The following ADAM12 variants were observed in gnomAD, a reference collection of about 807,000 sequenced individuals.
The protein encoded by ADAM12 is disintegrin and metalloproteinase domain-containing protein 12.
A neutral mutation model predicts 106.4 loss-of-function variants in ADAM12; 70 were observed. The observed-to-expected ratio is 0.66, with a 90% CI of 0.54 to 0.80. The LOEUF (loss-of-function observed/expected upper bound fraction) is 0.80. ADAM12 is among the 30% of genes least tolerant of loss of function. ADAM12 has a pLI of 0.00. For missense variants in ADAM12, 1,010 were observed against 1,171.9 expected (o/e 0.86, Z 2.02); for synonymous variants, 420 against 433.5 (o/e 0.97, Z 0.39).
intron 3 of ADAM12, among the ~76,000 whole-genome samples, chr10:126,232,945 C>T (rs530327583): frequency 1.3e-4 from 20 of 152,038 alleles, no homozygotes; most frequent in African/African-American, 3.1e-4. Flanking sequence ...GAAGGAAGGA[C>T]GGGGGCAGTA....
intron 6 of ADAM12, among the ~76,000 whole-genome samples, chr10:126,112,188 A>G (rs1955881733): frequency 6.6e-6 from 1 of 152,008 alleles, no homozygotes; most frequent in Admixed American, 6.6e-5. Context: ...ACACATGGAC[A>G]CAGGGAGGGG....
chr10:126,214,871 G>A (rs189443767), intron 3 of ADAM12, among the ~76,000 whole-genome samples: 17 of 152,318 alleles, frequency 1.1e-4, no homozygotes, highest in African/African-American at 4.1e-4. Flanking sequence ...CCCGCTGGCT[G>A]GATTAGGATG....
rs187880630 is a variant in ADAM12 at position 126,267,142 on chromosome 10, C to T, written c.260+11773G>A. Among the ~76,000 whole-genome samples, 47 of 152,292 alleles carry T rather than the reference C, an allele frequency of 3.1e-4. 1 individual carries two copies. The highest frequency in any genetic ancestry group is 8.3e-4 in the South Asian group (4 of 4,822). ...TCAATCATCTCCTCTGATAGGGATA[C>T]GGAAGCAGCTCTAGAAAGAGTCCAG... On this transcript the variant is annotated intron_variant, in intron 3 of 22. Coordinates refer to ENST00000448723, the MANE Select transcript of ADAM12 (RefSeq NM_001288973.2).
chr10:126,163,546 C>A (rs7077301), intron 3 of ADAM12, among the ~76,000 whole-genome samples: 45,796 of 152,008 alleles, frequency 0.3, 7,575 homozygotes, highest in Non-Finnish European at 0.38. Context: ...AAATTGCTTT[C>A]AGATCAATAT....
chr10:126,086,700 TATATATAAA>T (rs1201256640), intron 11 of ADAM12, among the ~76,000 whole-genome samples: 3 of 78,090 alleles, frequency 3.8e-5, no homozygotes, highest in African/African-American at 1.8e-4. Context: ...TATATATATA[TATATATAAA>T]ATAAAATAGG....
chr10:126,185,351 T>C (rs933751318), intron 3 of ADAM12, among the ~76,000 whole-genome samples: 3 of 152,270 alleles, frequency 2.0e-5, no homozygotes, highest in African/African-American at 7.2e-5. Context: ...CACAGGGCTA[T>C]GCCCTATAGC....
intron 3 of ADAM12, among the ~76,000 whole-genome samples, chr10:126,222,034 T>C (rs1477081405): frequency 2.0e-5 from 3 of 152,200 alleles, no homozygotes; most frequent in Non-Finnish European, 2.9e-5. Flanking sequence ...GGCTGTCTCC[T>C]GAGGTCCTCA....
At chr10:126,063,627 T>G (rs1954804733) in intron 14 of ADAM12, among the ~76,000 whole-genome samples, 1 of 152,164 alleles carries the variant, frequency 6.6e-6, no homozygotes, top group African/African-American at 2.4e-5. Context: ...TGGCCTGGGC[T>G]GAGGTCATTT....
chr10:126,117,045 T>A (rs1226215988), intron 6 of ADAM12, among the ~76,000 whole-genome samples: 1 of 152,158 alleles, frequency 6.6e-6, no homozygotes, highest in Non-Finnish European at 1.5e-5. Context: ...CGACATCCTA[T>A]CTATAAATTT....
At chr10:126,245,276 C>G (rs12250635) in intron 3 of ADAM12, among the ~76,000 whole-genome samples, 62,705 of 152,022 alleles carry the variant, frequency 0.41, 14,165 homozygotes, top group Non-Finnish European at 0.51. Context: ...TGGGACCTGA[C>G]GTGAACCTGC....
At chr10:126,260,339 C>T (rs915172146) in intron 3 of ADAM12, among the ~76,000 whole-genome samples, 1 of 152,104 alleles carries the variant, frequency 6.6e-6, no homozygotes, top group African/African-American at 2.4e-5. Flanking sequence ...CAAAAGTGGT[C>T]GATGTTTACA....
At position 126,064,673 on chromosome 10, in the gene ADAM12, T is replaced by C; in HGVS notation, c.1609+133A>G. 1 of 983,564 alleles carries C rather than the reference T, an allele frequency of 1.0e-6. No homozygotes were observed. Among genetic ancestry groups the C allele is most frequent in the South Asian group, 1.6e-5 (1 of 61,280 alleles). The allele number at this position is 983,564 out of a possible 1,614,324, so 60.9% of individuals were successfully genotyped here. A position where few individuals can be genotyped will look rare whatever the true frequency, so the allele number is the denominator to read the frequency against. ...TCCCTGGGAGTCAATCACTCCCGAC[T>C]GAACACACCGGATGCTGTGTGGACA... On this transcript the variant is annotated intron_variant, in intron 14 of 22. Coordinates refer to ENST00000448723, the MANE Select transcript of ADAM12 (RefSeq NM_001288973.2). This position sits in a 1 kb window ranked among gnomAD's most constrained non-coding sequence, Gnocchi z 4.4.
chr10:126,140,500 G>T (rs1956489917), intron 4 of ADAM12, among the ~76,000 whole-genome samples: 1 of 152,106 alleles, frequency 6.6e-6, no homozygotes, highest in Non-Finnish European at 1.5e-5. Flanking sequence ...ATAAACTGTT[G>T]CTTAAAGTAA....
rs375846137 is a variant in ADAM12 at position 126,155,273 on chromosome 10, T to C, written c.293A>G (p.His98Arg). Residue 98 changes from histidine to arginine, a missense_variant, in exon 4 of 23, where the codon CAC (histidine) becomes CGC (arginine). By Grantham distance (29) the His-to-Arg change is conservative. This residue lies in a region of ADAM12 where 391 missense variants were observed against 442.9 expected (regional missense o/e 0.88). Transcript: ENST00000448723. ...GACATCAGTACCGTCTTGCAGATAG[T>C]GGGTTTCCGTGAAACTGCTGGCAAT... ...GLIASSFTET[H>R]YLQDGTDVSL... The C allele has an allele frequency of 6.2e-6, 10 of 1,614,144 alleles. No individual in the cohort carries two copies. Among genetic ancestry groups the C allele is most frequent in the African/African-American group, 1.3e-5 (1 of 75,034 alleles).
At chr10:126,371,593 T>C (rs1590836986) in intron 1 of ADAM12, among the ~76,000 whole-genome samples, 2 of 152,322 alleles carry the variant, frequency 1.3e-5, no homozygotes, top group Admixed American at 1.3e-4. Context: ...ATGTGTACTG[T>C]TTAGAGCCAC....
intron 11 of ADAM12, among the ~76,000 whole-genome samples, chr10:126,074,988 T>C (rs1288748534): frequency 1.3e-5 from 2 of 152,146 alleles, no homozygotes; most frequent in Admixed American, 1.3e-4. Flanking sequence ...GAGTGGCTTC[T>C]CTTCCCACCA....
chr10:126,163,672 AC>A (rs1456984589), intron 3 of ADAM12, among the ~76,000 whole-genome samples: 4 of 151,826 alleles, frequency 2.6e-5, no homozygotes, highest in African/African-American at 9.7e-5. Context: ...GCTGAAAGAA[AC>A]CCCCCGGCCC....
At chr10:126,187,651 G>C (rs1037875006) in intron 3 of ADAM12, among the ~76,000 whole-genome samples, 3 of 152,220 alleles carry the variant, frequency 2.0e-5, no homozygotes, top group African/African-American at 7.2e-5. Flanking sequence ...CTACTTCAAA[G>C]TGACTTCACA....
intron 21 of ADAM12, among the ~76,000 whole-genome samples, chr10:126,033,356 G>T (rs1451343594): frequency 6.6e-6 from 1 of 152,116 alleles, no homozygotes; most frequent in Non-Finnish European, 1.5e-5. Context: ...GAGAAATGAG[G>T]TCTGGACAAG....
Sources: allele counts gnomAD v4.1 joint callset (sites outside exome capture counted in the v4.1 genomes callset), GRCh38; gene constraint gnomAD v4.1.1; regional missense constraint gnomAD v4.1.1; non-coding constraint Gnocchi (gnomAD v3.1); transcripts MANE v1.5; gene names NCBI Gene and HGNC (gene_info 2026-07-23, HGNC 2026-07-21).